Variants in POM121C observed in about 807,000 individuals in gnomAD.
POM121C encodes the protein POM121 transmembrane nucleoporin C.
Under a neutral mutation model 66.4 loss-of-function variants are expected in POM121C, and 20 were observed. That is an observed-to-expected ratio of 0.30 (90% CI 0.21 to 0.44). The LOEUF (loss-of-function observed/expected upper bound fraction) is 0.44, where lower values mean the gene tolerates loss of function less well. Among genes scored for constraint, POM121C ranks in the 20% least tolerant of loss-of-function variants. The probability of loss-of-function intolerance (pLI) is 1.00; values close to 1 mark genes in which losing one functional copy is unlikely to be tolerated. For synonymous variants in POM121C, 286 were observed against 528.0 expected, an observed-to-expected ratio of 0.54 and a Z score of 6.28; for missense variants, 580 against 1,225.7, an observed-to-expected ratio of 0.47 and a Z score of 7.87.
intron 14 of POM121C, 91 bp downstream of exon 14, chr7:75,419,229 T>C: frequency 6.7e-7 from 1 of 1,487,252 alleles, no homozygotes. Flanking sequence ...GAACCTGATC[T>C]TCACGGGGCC....
chr7:75,463,452 T>TC (rs1204786422), intron 3 of POM121C, among the ~76,000 whole-genome samples: 7 of 148,122 alleles, frequency 4.7e-5, no homozygotes, highest in East Asian at 1.9e-4. Flanking sequence ...GGTTTTTCTT[T>TC]TTTTTTTTTT....
At position 75,418,890 on chromosome 7, in the gene POM121C, G is replaced by C; in HGVS notation, c.2870C>G (p.Ser957Trp). The change falls in exon 15 of 15, where the codon TCG (serine) becomes TGG (tryptophan). Residue 957 changes from serine (S) to tryptophan (W), a missense_variant. Transcript: ENST00000615331. The stretch of plus-strand genomic sequence containing the variant: ...ACCAATGGAAAATGAAGGGGCCGCC[G>C]ATCCTGGAAAGATTCAACAAGACCT... ...QGFVGVGPFG[S>W]AAPSFSIGAG... 3 of 1,609,388 alleles carry C rather than the reference G, an allele frequency of 1.9e-6. No individual in the cohort carries two copies. Among genetic ancestry groups the C allele is most frequent in the Admixed American group, 3.4e-5 (2 of 59,152 alleles).
At chr7:75,452,150 T>A (rs1415628817) in intron 3 of POM121C, among the ~76,000 whole-genome samples, 2 of 151,404 alleles carry the variant, frequency 1.3e-5, no homozygotes, top group African/African-American at 4.9e-5. Context: ...GGTGACAGAG[T>A]GAGACTCCGC....
chr7:75,447,834 T>TA (rs1202272439), intron 3 of POM121C, among the ~76,000 whole-genome samples: 2 of 151,802 alleles, frequency 1.3e-5, no homozygotes, highest in Non-Finnish European at 2.9e-5. Flanking sequence ...CCATCCTGGC[T>TA]AACACGGTGA....
In POM121C at chr7:75,441,235, C is replaced by T. The variant is rs1409600091; in HGVS notation, c.66-120G>A. 2.0e-5 allele frequency: 30 copies of T among 1,481,038 alleles called. No homozygotes were observed. The African/African-American group carries it at 4.0e-4, about 20-fold the overall frequency. 91.7% of individuals were successfully genotyped at this position (1,481,038 alleles called of 1,614,324 possible). On this transcript the variant is annotated intron_variant, in intron 4 of 14. Coordinates refer to ENST00000615331, the MANE Select transcript of POM121C (RefSeq NM_001099415.3). ...AATTTATACACTCACAACAGTTCCC[C>T]TTAGCAAGTAAAGCTACTTTTTCGT...
At chr7:75,456,751 A>G (rs1791231298) in intron 3 of POM121C, among the ~76,000 whole-genome samples, 1 of 152,130 alleles carries the variant, frequency 6.6e-6, no homozygotes, top group Non-Finnish European at 1.5e-5. Flanking sequence ...AGTTATCAAG[A>G]CAACAATTTT....
chr7:75,453,934 G>T (rs1442157750), intron 3 of POM121C, among the ~76,000 whole-genome samples: 8 of 152,252 alleles, frequency 5.3e-5, no homozygotes, highest in Admixed American at 4.6e-4. Context: ...CCCCATTTGG[G>T]CTGGTTTGGG....
At chr7:75,435,129 T>G (rs1482618259) in intron 7 of POM121C, among the ~76,000 whole-genome samples, 1 of 152,216 alleles carries the variant, frequency 6.6e-6, no homozygotes, top group Non-Finnish European at 1.5e-5. Context: ...ACAAATGTAT[T>G]CTTTGCAGCA....
rs782773160 is a variant in POM121C at position 75,441,565 on chromosome 7, C to T, written c.-69G>A. ...TTCCAGCACACTGTGGGAAGTACCC[C>T]CGGACAGGAATACTGGGTCTGATGG... is the stretch of plus-strand genomic sequence containing the variant. On this transcript the variant is annotated 5_prime_UTR_variant, in exon 4 of 15. Coordinates refer to ENST00000615331, the MANE Select transcript of POM121C (RefSeq NM_001099415.3). 2.5e-6 allele frequency: 4 copies of T among 1,611,888 alleles called. No homozygotes were observed. Among genetic ancestry groups the T allele is most frequent in the Admixed American group, 3.4e-5 (2 of 59,672 alleles).
chr7:75,423,693 A>G (rs1554471269), intron 12 of POM121C, among the ~76,000 whole-genome samples: 1 of 152,184 alleles, frequency 6.6e-6, no homozygotes, highest in African/African-American at 2.4e-5. Flanking sequence ...AGGGAAAGGA[A>G]GCAGTGTTGT....
intron 3 of POM121C, among the ~76,000 whole-genome samples, chr7:75,471,891 G>A (rs782497715): frequency 1.3e-5 from 2 of 151,936 alleles, no homozygotes; most frequent in Non-Finnish European, 1.5e-5. Context: ...TGTATGTTAC[G>A]TTTTTGTTTT....
At chr7:75,460,451 G>A (rs1488528963) in intron 3 of POM121C, among the ~76,000 whole-genome samples, 28 of 151,964 alleles carry the variant, frequency 1.8e-4, no homozygotes, top group African/African-American at 6.0e-4. Flanking sequence ...GCAGTGGGCC[G>A]TGACTGCACC....
At chr7:75,467,596 C>T (rs1180805230) in intron 3 of POM121C, among the ~76,000 whole-genome samples, 6 of 151,082 alleles carry the variant, frequency 4.0e-5, no homozygotes, top group African/African-American at 9.7e-5. Context: ...TGATGGTGAC[C>T]GGGTGAATGC....
chr7:75,438,216 G>C (rs1451588077), intron 6 of POM121C, among the ~76,000 whole-genome samples: 2 of 152,154 alleles, frequency 1.3e-5, no homozygotes, highest in Non-Finnish European at 2.9e-5. Flanking sequence ...CATCCAACCT[G>C]TTACAATATA....
chr7:75,452,489 T>C (rs1791053951), intron 3 of POM121C, among the ~76,000 whole-genome samples: 1 of 152,196 alleles, frequency 6.6e-6, no homozygotes, highest in Admixed American at 6.5e-5. Context: ...GCTAGTTTGT[T>C]AATCAATATT....
At chr7:75,420,999 G>C (rs1312293532) in intron 13 of POM121C, 1 of 168,380 alleles carries the variant, frequency 5.9e-6, no homozygotes, top group African/African-American at 2.8e-5. Context: ...GCTTGAGACA[G>C]TCTTGCTCTG....
intron 3 of POM121C, among the ~76,000 whole-genome samples, chr7:75,458,906 G>A (rs1326527666): frequency 6.6e-6 from 1 of 152,070 alleles, no homozygotes; most frequent in East Asian, 1.9e-4. Context: ...GATTTTAGAT[G>A]AGCTATCTTA....
In POM121C at chr7:75,486,104, T is replaced by C. The variant is rs2116570576; in HGVS notation, c.-698A>G. The C allele has an allele frequency of 2.8e-6, 1 of 360,772 alleles. No individual in the cohort carries two copies. The highest frequency in any genetic ancestry group is 5.3e-6 in the Non-Finnish European group (1 of 188,424). 22.3% of individuals were successfully genotyped at this position (360,772 alleles called of 1,614,324 possible). On this transcript the variant is annotated 5_prime_UTR_variant, in exon 1 of 15. Transcript: ENST00000615331. Reference sequence around the variant, plus strand: ...GCCCCAGCGCCGCCGGCTCCGGGGTTCACGCTCGGGGGTCCCAGCTCGAGC... The same window carrying C: ...GCCCCAGCGCCGCCGGCTCCGGGGTCCACGCTCGGGGGTCCCAGCTCGAGC...
intron 3 of POM121C, among the ~76,000 whole-genome samples, chr7:75,452,956 C>T (rs1284322785): frequency 2.6e-5 from 4 of 152,084 alleles, no homozygotes; most frequent in Non-Finnish European, 4.4e-5. Context: ...TGGAGAGGAA[C>T]GGATCAAGCT....
Sources: gnomAD v4.1 joint callset for allele counts (sites outside exome capture counted in the v4.1 genomes callset) on GRCh38, gnomAD v4.1.1 for gene constraint, MANE v1.5 for transcripts, NCBI Gene and HGNC (gene_info 2026-07-23, HGNC 2026-07-21) for gene names.